DMD: variants seen among roughly 807,000 people sequenced by gnomAD.
DMD encodes mutant dystrophin.
DMD carries 63 observed loss-of-function variants against 330.1 expected under a neutral mutation model. The observed-to-expected ratio is 0.19, with a 90% confidence interval of 0.16 to 0.24. The LOEUF (loss-of-function observed/expected upper bound fraction) is 0.24. Ranked by LOEUF, DMD falls within the 10% of genes least tolerant of loss-of-function variation. The probability of loss-of-function intolerance (pLI) is 1.00; values close to 1 mark genes in which losing one functional copy is unlikely to be tolerated. For synonymous variants in DMD, 1,223 were observed against 959.8 expected, an observed-to-expected ratio of 1.27 and a Z score of -5.07; for missense variants, 3,344 against 2,684.1, an observed-to-expected ratio of 1.25 and a Z score of -5.43.
intron 55 of DMD, among the ~76,000 whole-genome samples, chrX:31,625,685 T>C (rs2078796556): frequency 8.9e-6 from 1 of 111,759 alleles, no homozygotes; most frequent in Non-Finnish European, 1.9e-5. Flanking sequence ...TGGTGAATCT[T>C]CCCTTTAATG....
At chrX:32,631,300 G>C (rs1051117497) in intron 11 of DMD, among the ~76,000 whole-genome samples, 18 of 111,443 alleles carry the variant, frequency 1.6e-4, no homozygotes, top group African/African-American at 5.6e-4. Context: ...ACAACACTGG[G>C]TCTTGATCAA....
chrX:32,669,420 G>T (rs752700568), intron 9 of DMD, among the ~76,000 whole-genome samples: 1 of 111,130 alleles, frequency 9.0e-6, no homozygotes, highest in East Asian at 2.8e-4. Context: ...CTCTTAAATC[G>T]TACCTAACTA....
At chrX:32,691,492 G>A (rs2063277607) in intron 9 of DMD, among the ~76,000 whole-genome samples, 1 of 111,529 alleles carries the variant, frequency 9.0e-6, no homozygotes, top group Admixed American at 9.5e-5. Flanking sequence ...ATACCTGTTG[G>A]ATGCCTACTA....
At chrX:31,907,139 C>T (rs1273768369) in intron 47 of DMD, among the ~76,000 whole-genome samples, 1 of 111,455 alleles carries the variant, frequency 9.0e-6, no homozygotes, top group Non-Finnish European at 1.9e-5. Flanking sequence ...AGTAGCAAAC[C>T]CAGAAATAAA....
chrX:32,606,683 A>T lies in DMD; in HGVS notation c.1482+7620T>A, dbSNP rs138542278. Among the ~76,000 whole-genome samples, 1,026 of 108,224 alleles carry T rather than the reference A, an allele frequency of 9.5e-3. 4 individuals are homozygous for T. Among genetic ancestry groups the T allele is most frequent in the Non-Finnish European group, 0.015 (772 of 51,713 alleles). The allele number at this position is 108,224 out of a possible 115,157, so 94.0% of individuals were successfully genotyped here. A position where few individuals can be genotyped will look rare whatever the true frequency, so the allele number is the denominator to read the frequency against. On this transcript the variant is annotated intron_variant, in intron 12 of 78. Coordinates refer to ENST00000357033, the MANE Select transcript of DMD (RefSeq NM_004006.3). ...TCCATCAGTAAATGATTGGATAAAG[A>T]AAATGTGATATGCACATGTATATAT...
rs767736080 is a variant in DMD at position 33,283,431 on chromosome X, G to C, written c.7+55828C>G. The stretch of plus-strand genomic sequence containing the variant: ...GGTGGGCACTCGGGAGGCTGAGGCA[G>C]GAGAATTGCTTGAACCCAGGAGGTG... On this transcript the variant is annotated intron_variant, in intron 1 of 17. Transcript: ENST00000288447. 8.3e-5 allele frequency among the ~76,000 whole-genome samples: 9 copies of C among 108,839 alleles called. No homozygotes were observed. The South Asian group carries it at 3.7e-3, about 44-fold the overall frequency. The allele number at this position is 108,839 out of a possible 115,157, so 94.5% of individuals were successfully genotyped here.
intron 1 of DMD, among the ~76,000 whole-genome samples, chrX:33,239,274 C>CAAAAA (rs558228818): frequency 2.2e-4 from 7 of 31,369 alleles, no homozygotes; most frequent in African/African-American, 4.7e-4. Context: ...ACTCTGTCTC[C>CAAAAA]AAAAAAAAAA....
intron 69 of DMD, among the ~76,000 whole-genome samples, 183 bp from the exon 70 acceptor site, chrX:31,178,988 CTGAGT>C (rs999788864): frequency 9.0e-6 from 1 of 111,483 alleles, no homozygotes; most frequent in African/African-American, 3.3e-5. Flanking sequence ...ACTAATTTGG[CTGAGT>C]TATTTACTTC....
chrX:32,026,836 C>T (rs983085045), intron 44 of DMD, among the ~76,000 whole-genome samples: 4 of 111,596 alleles, frequency 3.6e-5, no homozygotes, highest in African/African-American at 1.3e-4. Context: ...AATTCAGGGA[C>T]TCTGAGTCCT....
In DMD at chrX:32,715,256, A is replaced by G. The variant is rs1195185857; in HGVS notation, c.650-15963T>C. On this transcript the variant is annotated intron_variant, in intron 7 of 78. Coordinates refer to ENST00000357033, the MANE Select transcript of DMD (RefSeq NM_004006.3). ...CACTTTGGGAGGCCAAGGCAGGAGG[A>G]TCACAAGGTCAAGAGATTGAGACCA... is the stretch of plus-strand genomic sequence containing the variant. Among the ~76,000 whole-genome samples, 7 of 110,361 alleles carry G rather than the reference A, an allele frequency of 6.3e-5. No homozygotes were observed. In the South Asian group the frequency reaches 1.2e-3, roughly 18 times the overall value.
At chrX:31,752,648 T>A (rs2088686414) in intron 51 of DMD, among the ~76,000 whole-genome samples, 1 of 111,522 alleles carries the variant, frequency 9.0e-6, no homozygotes, top group Non-Finnish European at 1.9e-5. Flanking sequence ...GGTGACAAGC[T>A]GCTCTTCAGG....
At chrX:32,134,652 G>C (rs1264898115) in intron 44 of DMD, among the ~76,000 whole-genome samples, 1 of 111,703 alleles carries the variant, frequency 9.0e-6, no homozygotes, top group Non-Finnish European at 1.9e-5. Context: ...TGAATGATCA[G>C]TCTCCCTTTC....
At chrX:32,081,177 T>C (rs985982285) in intron 44 of DMD, among the ~76,000 whole-genome samples, 2 of 112,190 alleles carry the variant, frequency 1.8e-5, no homozygotes, top group East Asian at 2.8e-4. Flanking sequence ...GTGAGACATA[T>C]GATGTTCCAT....
At chrX:32,431,215 T>A (rs975199989) in intron 29 of DMD, among the ~76,000 whole-genome samples, 1 of 111,250 alleles carries the variant, frequency 9.0e-6, no homozygotes, top group Non-Finnish European at 1.9e-5. Flanking sequence ...CTCCACATTC[T>A]TGCCAAACTT....
At chrX:31,178,914 T>G in intron 69 of DMD, 109 bp from the exon 70 acceptor site, 1 of 980,587 alleles carries the variant, frequency 1.0e-6, no homozygotes, top group Non-Finnish European at 1.4e-6. Context: ...AAGGAGAGTG[T>G]TGTGGTTGTG....
At chrX:33,086,830 G>A (rs1007041637) in intron 1 of DMD, among the ~76,000 whole-genome samples, 11 of 108,331 alleles carry the variant, frequency 1.0e-4, no homozygotes, top group African/African-American at 3.3e-4. Flanking sequence ...CATAGAGAGC[G>A]ATAGAGGGAG....
chrX:32,606,804 C>CT (rs1302637420), intron 12 of DMD, among the ~76,000 whole-genome samples: 2 of 59,418 alleles, frequency 3.4e-5, no homozygotes, highest in Non-Finnish European at 2.6e-5. Context: ...CACTACACAG[C>CT]CTAAGAAAGT....
chrX:31,611,778 C>T (rs764319426), intron 55 of DMD, among the ~76,000 whole-genome samples: 1 of 110,897 alleles, frequency 9.0e-6, no homozygotes, highest in African/African-American at 3.3e-5. Flanking sequence ...CCAGGCTGGT[C>T]TTGAACTCCT....
rs1171543953 is a variant in DMD, at chrX:32,312,941, C to CAAAAAAAAAAAAAAAAAAAAAAAAAA, written c.5923-2666_5923-2665insTTTTTTTTTTTTTTTTTTTTTTTTTT. ...AATTGAGGCAGTAATAGCCTACGAA[C>CAAAAAAAAAAAAAAAAAAAAAAAAAA]CAAAAAAAAAAAAAAAAAAAAAAGC... On this transcript the variant is annotated intron_variant, in intron 41 of 78. Coordinates refer to ENST00000357033, the MANE Select transcript of DMD (RefSeq NM_004006.3). 7.3e-4 allele frequency among the ~76,000 whole-genome samples: 14 copies of CAAAAAAAAAAAAAAAAAAAAAAAAAA among 19,197 alleles called. 2 individuals carry two copies. Among genetic ancestry groups the CAAAAAAAAAAAAAAAAAAAAAAAAAA allele is most frequent in the Admixed American group, 2.0e-3 (2 of 1,010 alleles). The allele number at this position is 19,197 out of a possible 115,157, so 16.7% of individuals were successfully genotyped here.
Sources: gnomAD v4.1 joint callset for allele counts (sites outside exome capture counted in the v4.1 genomes callset) on GRCh38, gnomAD v4.1.1 for gene constraint, MANE v1.5 for transcripts, NCBI Gene and HGNC (gene_info 2026-07-23, HGNC 2026-07-21) for gene names.